The following CDKL5 variants were observed in gnomAD, a reference collection of about 807,000 sequenced individuals.
CDKL5 encodes the protein cyclin-dependent kinase-like 5.
CDKL5 carries 8 observed loss-of-function variants against 61.7 expected under a neutral mutation model. That is an observed-to-expected ratio of 0.13 (90% CI 0.08 to 0.23). The LOEUF (loss-of-function observed/expected upper bound fraction) is 0.23. CDKL5 is among the 10% of genes least tolerant of loss of function. The pLI, the probability that CDKL5 is intolerant of heterozygous loss-of-function variation, is 1.00. For synonymous variants in CDKL5, 275 were observed against 272.3 expected, an observed-to-expected ratio of 1.01 and a Z score of -0.10; for missense variants, 440 against 734.5, an observed-to-expected ratio of 0.60 and a Z score of 4.63.
chrX:18,453,109 C>T (rs1300926158), intron 1 of CDKL5, among the ~76,000 whole-genome samples: 2 of 111,477 alleles, frequency 1.8e-5, no homozygotes, highest in Non-Finnish European at 3.8e-5. Flanking sequence ...GGATTACAGG[C>T]GTGGGCCACT....
chrX:18,613,271 C>T lies in CDKL5; in HGVS notation c.2272C>T (p.Pro758Ser), dbSNP rs1210870589. The change falls in exon 15 of 18, where the codon CCA becomes TCA. Residue 758 changes from proline to serine, a missense_variant. Pro to Ser is a moderately conservative substitution (Grantham distance 74, BLOSUM62 -1). Coordinates refer to ENST00000623535, the MANE Select transcript of CDKL5 (RefSeq NM_001323289.2). The part of the protein sequence containing the change: ...NHSKRQPAFD[P>S]WKSPENISHS... Reference sequence around the variant, plus strand: ...CTCAAAAAGACAACCAGCATTCGATCCATGGTGAGCATTTTGGTTTGTTTT... The same window carrying T: ...CTCAAAAAGACAACCAGCATTCGATTCATGGTGAGCATTTTGGTTTGTTTT... The T allele has an allele frequency of 2.0e-5, 24 of 1,195,844 alleles. No homozygotes were observed. The highest frequency in any genetic ancestry group is 2.6e-5 in the Non-Finnish European group (23 of 885,465).
chrX:18,499,649 G>A (rs1203599244), intron 1 of CDKL5, among the ~76,000 whole-genome samples: 1 of 111,874 alleles, frequency 8.9e-6, no homozygotes, highest in Admixed American at 9.5e-5. Flanking sequence ...GATTACAGGC[G>A]TGAGCCACTG....
chrX:18,468,003 T>A (rs1350373955), intron 1 of CDKL5, among the ~76,000 whole-genome samples: 5 of 111,985 alleles, frequency 4.5e-5, no homozygotes, highest in African/African-American at 1.3e-4. Context: ...GTGCTCAGAT[T>A]AAAAAAATAA....
At chrX:18,614,392 G>A (rs1483447875) in intron 15 of CDKL5, among the ~76,000 whole-genome samples, 3 of 112,401 alleles carry the variant, frequency 2.7e-5, no homozygotes, top group Admixed American at 9.4e-5. Flanking sequence ...TAAGAGTTTA[G>A]ACTCTGGAAA....
intron 1 of CDKL5, among the ~76,000 whole-genome samples, chrX:18,454,861 A>G: frequency 9.4e-6 from 1 of 106,167 alleles, no homozygotes; most frequent in Non-Finnish European, 1.9e-5. Flanking sequence ...ATATAATATC[A>G]TTGCATCACT....
At chrX:18,504,890 G>A (rs970844228) in intron 1 of CDKL5, among the ~76,000 whole-genome samples, 3 of 102,806 alleles carry the variant, frequency 2.9e-5, no homozygotes, top group Non-Finnish European at 5.9e-5. Context: ...TCGAGATCGC[G>A]CCACTGCACT....
chrX:18,435,958 C>T (rs1240605162), intron 1 of CDKL5, among the ~76,000 whole-genome samples: 1 of 111,008 alleles, frequency 9.0e-6, no homozygotes, highest in Non-Finnish European at 1.9e-5. Context: ...CTGACCCTCA[C>T]GCAGTCAAAA....
At chrX:18,451,226 T>C (rs1932006616) in intron 1 of CDKL5, among the ~76,000 whole-genome samples, 1 of 112,001 alleles carries the variant, frequency 8.9e-6, no homozygotes, top group Non-Finnish European at 1.9e-5. Flanking sequence ...AGTTTTGCTC[T>C]TGTTGCCCAG....
At chrX:18,602,034 G>A (rs779970807) in intron 11 of CDKL5, among the ~76,000 whole-genome samples, 13 of 111,844 alleles carry the variant, frequency 1.2e-4, no homozygotes, top group African/African-American at 2.9e-4. Context: ...ACACAGCCAC[G>A]ATCTGAGTCA....
chrX:18,566,881 G>C (rs1354764324), intron 4 of CDKL5, among the ~76,000 whole-genome samples: 1 of 110,811 alleles, frequency 9.0e-6, no homozygotes, highest in Admixed American at 9.6e-5. Flanking sequence ...ATCTCTGCCA[G>C]ACCCTTATCA....
intron 3 of CDKL5, among the ~76,000 whole-genome samples, chrX:18,555,235 C>T (rs895670484): frequency 2.0e-4 from 22 of 110,954 alleles, no homozygotes; most frequent in African/African-American, 7.2e-4. Context: ...ATGTGACAAC[C>T]GAAAGTGTCC....
At chrX:18,614,376 C>T (rs1232794559) in intron 15 of CDKL5, among the ~76,000 whole-genome samples, 1 of 112,409 alleles carries the variant, frequency 8.9e-6, no homozygotes, top group African/African-American at 3.2e-5. Flanking sequence ...TCTTAATGTT[C>T]GTGACTAAGA....
intron 4 of CDKL5, among the ~76,000 whole-genome samples, chrX:18,569,043 A>G (rs939033081): frequency 1.9e-4 from 21 of 111,785 alleles, no homozygotes; most frequent in Admixed American, 1.2e-3. Context: ...ATTCTATCAG[A>G]CAATTTATCA....
chrX:18,622,539 A>G (rs1926918958), intron 16 of CDKL5, among the ~76,000 whole-genome samples: 1 of 112,681 alleles, frequency 8.9e-6, no homozygotes, highest in South Asian at 3.6e-4. Flanking sequence ...AAAAGAAACT[A>G]CATAGAATAA....
downstream of CDKL5, chrX:18,644,318 A>C: frequency 1.5e-6 from 1 of 669,552 alleles, no homozygotes; most frequent in Non-Finnish European, 2.5e-6. Context: ...CAGATGATCC[A>C]CTGTGCTGTG....
At chrX:18,452,988 G>A (rs1191576895) in intron 1 of CDKL5, among the ~76,000 whole-genome samples, 1 of 108,651 alleles carries the variant, frequency 9.2e-6, no homozygotes, top group African/African-American at 3.4e-5. Flanking sequence ...GCACCACGAC[G>A]CCTGGCTAAT....
intron 3 of CDKL5, among the ~76,000 whole-genome samples, chrX:18,518,530 G>A (rs1366047882): frequency 7.9e-5 from 8 of 101,889 alleles, no homozygotes; most frequent in African/African-American, 1.1e-4. Context: ...TCAGCCTCCC[G>A]AGTAGCTGGG....
At chrX:18,440,185 A>G (rs1322838091) in intron 1 of CDKL5, among the ~76,000 whole-genome samples, 6 of 111,999 alleles carry the variant, frequency 5.4e-5, no homozygotes, top group Admixed American at 1.9e-4. Flanking sequence ...TTTTACCCAC[A>G]TTAGAACTAT....
chrX:18,643,532 A>G (rs894628492), downstream of CDKL5, among the ~76,000 whole-genome samples: 22 of 112,380 alleles, frequency 2.0e-4, no homozygotes, highest in African/African-American at 6.5e-4. Flanking sequence ...ACAGGGCTTG[A>G]AAAACTTCTC....
Sources: allele counts gnomAD v4.1 joint callset (sites outside exome capture counted in the v4.1 genomes callset), GRCh38; gene constraint gnomAD v4.1.1; transcripts MANE v1.5; gene names NCBI Gene and HGNC (gene_info 2026-07-23, HGNC 2026-07-21).